TNKS2: variants seen among roughly 807,000 people sequenced by gnomAD.
TNKS2 encodes poly [ADP-ribose] polymerase tankyrase-2.
In TNKS2, 72 loss-of-function variants were observed where a neutral mutation model predicts 137.6. The observed-to-expected ratio is 0.52, with a 90% CI of 0.43 to 0.64. TNKS2 has a LOEUF of 0.64. Ranked by LOEUF, TNKS2 falls within the 30% of genes least tolerant of loss-of-function variation. TNKS2 has a pLI of 0.00. For synonymous variants in TNKS2, 516 were observed against 512.1 expected (o/e 1.01, Z -0.10); for missense variants, 1,049 against 1,410.2 (o/e 0.74, Z 4.10).
chr10:91,834,079 C>A, intron 12 of TNKS2, 55 bp downstream of exon 12: 1 of 1,425,604 alleles, frequency 7.0e-7, no homozygotes, highest in South Asian at 1.7e-5. Context: ...AAAAATTTTT[C>A]ACATATCAGG....
chr10:91,832,844 A>G (rs1384348745), intron 11 of TNKS2, among the ~76,000 whole-genome samples: 1 of 152,062 alleles, frequency 6.6e-6, no homozygotes, highest in Non-Finnish European at 1.5e-5. Context: ...ATAACCAAGT[A>G]GAAAGAATTT....
chr10:91,805,673 A>G (rs927638515), intron 1 of TNKS2, among the ~76,000 whole-genome samples: 8 of 152,226 alleles, frequency 5.3e-5, no homozygotes, highest in Non-Finnish European at 1.0e-4. Flanking sequence ...GTGAGTCACC[A>G]TTTTGATTAC....
At chr10:91,837,466 CTT>C (rs1842062103) in intron 13 of TNKS2, among the ~76,000 whole-genome samples, 1 of 152,232 alleles carries the variant, frequency 6.6e-6, no homozygotes, top group African/African-American at 2.4e-5. Context: ...TGCCACTTCT[CTT>C]TCCCAGGGCT....
intron 13 of TNKS2, among the ~76,000 whole-genome samples, chr10:91,838,457 G>A (rs1234724635): frequency 1.3e-5 from 2 of 152,190 alleles, no homozygotes; most frequent in Non-Finnish European, 2.9e-5. Context: ...GTGCTCAGTT[G>A]TGTTTGTTCA....
intron 1 of TNKS2, 51 bp downstream of exon 1, chr10:91,798,940 C>G: frequency 7.6e-7 from 1 of 1,317,112 alleles, no homozygotes; most frequent in Non-Finnish European, 9.8e-7. Context: ...ACCTGCGCAG[C>G]CGGGGCCCAC....
At position 91,848,518 on chromosome 10, in the gene TNKS2, C is replaced by G; in HGVS notation, c.2494C>G (p.Pro832Ala). 1 of 1,614,112 alleles carries G rather than the reference C, an allele frequency of 6.2e-7. No homozygotes were observed. The highest frequency in any genetic ancestry group is 8.5e-7 in the Non-Finnish European group (1 of 1,180,022). ...ADALSSGPSS[P>A]SSLSAASSLD... The stretch of plus-strand genomic sequence containing the variant: ...TGCTCTCTCTTCAGGTCCATCTAGC[C>G]CATCAAGCCTTTCTGCAGCCAGCAG... The change falls in exon 19 of 27, where the codon CCA becomes GCA. Residue 832 changes from proline (P) to alanine (A), a missense_variant. By Grantham distance (27) the Pro-to-Ala change is conservative. This residue lies in a region of TNKS2 where 208 missense variants were observed against 231.2 expected (regional missense o/e 0.90). Coordinates refer to ENST00000371627, the MANE Select transcript of TNKS2 (RefSeq NM_025235.4).
chr10:91,848,427 T>C lies in TNKS2; in HGVS notation c.2403T>C (p.Ser801=). Residue 801 remains serine, a synonymous_variant, in exon 19 of 27, where the codon TCT becomes TCC. Transcript: ENST00000371627. The stretch of plus-strand genomic sequence containing the variant: ...TTCTGACAGCAGCCATGCCCCCATC[T>C]GCTCTGCCCTCTTGTTACAAGCCTC... The part of the protein sequence containing the change: ...SALLTAAMPP[S]ALPSCYKPQV... The C allele has an allele frequency of 1.2e-6, 2 of 1,614,248 alleles. No individual in the cohort carries two copies. The highest frequency in any genetic ancestry group is 1.1e-5 in the South Asian group (1 of 91,088).
chr10:91,830,589 G>T (rs1845214996), intron 9 of TNKS2, among the ~76,000 whole-genome samples: 1 of 152,134 alleles, frequency 6.6e-6, no homozygotes, highest in Non-Finnish European at 1.5e-5. Context: ...TTAAAATATT[G>T]CATGAACACA....
At chr10:91,809,595 G>C (rs537549176) in intron 1 of TNKS2, among the ~76,000 whole-genome samples, 1 of 151,850 alleles carries the variant, frequency 6.6e-6, no homozygotes, top group African/African-American at 2.4e-5. Context: ...GAACCTGGGA[G>C]GCGGAGCTTG....
chr10:91,846,619 T>C (rs1373865813), intron 18 of TNKS2, among the ~76,000 whole-genome samples: 1 of 152,188 alleles, frequency 6.6e-6, no homozygotes, highest in Non-Finnish European at 1.5e-5. Context: ...GGAATTCTTT[T>C]TGAGATGAGA....
intron 5 of TNKS2, 97 bp downstream of exon 5, chr10:91,819,654 G>A (rs146531243): frequency 4.1e-6 from 4 of 985,890 alleles, no homozygotes; most frequent in Middle Eastern, 2.2e-4. Flanking sequence ...TTTGAAGAGA[G>A]TGCTGATGTT....
Position 91,845,085 on chromosome 10 carries a change from A to G in TNKS2, c.2169+57A>G, listed in dbSNP as rs576325030. ...GTGGAATTTTAAAGTGAAAGTCAGT[A>G]TTGCAGCTCAAATGGAATGTAGTTT... On this transcript the variant is annotated intron_variant, in intron 17 of 26. Transcript: ENST00000371627. 128 of 1,076,484 alleles carry G rather than the reference A, an allele frequency of 1.2e-4. 1 individual carries two copies. In the South Asian group the frequency reaches 1.6e-3, roughly 13 times the overall value. The allele number at this position is 1,076,484 out of a possible 1,614,324, so 66.7% of individuals were successfully genotyped here.
chr10:91,854,359 A>G (rs1439788288), intron 21 of TNKS2, among the ~76,000 whole-genome samples: 2 of 152,358 alleles, frequency 1.3e-5, no homozygotes, highest in South Asian at 2.1e-4. Flanking sequence ...ATAACTTGTC[A>G]GGTCAAAAAG....
At chr10:91,812,792 G>A in intron 1 of TNKS2, 191 bp from the exon 2 acceptor site, 1 of 985,294 alleles carries the variant, frequency 1.0e-6, no homozygotes, top group Non-Finnish European at 1.2e-6. Context: ...CTGCTTAGTG[G>A]AGAGTCCCTC....
At position 91,798,567 on chromosome 10, in the gene TNKS2, A is replaced by G; in HGVS notation, c.-124A>G. On this transcript the variant is annotated 5_prime_UTR_variant, in exon 1 of 27. Transcript: ENST00000371627. ...GGACTGCGCCGGATCCGGTGACAGC[A>G]GGGAGCCAAGCGGCCCGGGCCCTGA... is the stretch of plus-strand genomic sequence containing the variant. 5 of 1,100,526 alleles carry G rather than the reference A, an allele frequency of 4.5e-6. No homozygotes were observed. The highest frequency in any genetic ancestry group is 5.7e-6 in the Non-Finnish European group (5 of 879,310). 68.2% of individuals were successfully genotyped at this position (1,100,526 alleles called of 1,614,324 possible).
intron 1 of TNKS2, chr10:91,807,501 C>T: frequency 6.7e-7 from 1 of 1,493,232 alleles, no homozygotes; most frequent in African/African-American, 1.4e-5. Context: ...AACAAACTAC[C>T]TACGTCCGGG....
chr10:91,831,223 ATTTT>A lies in TNKS2; in HGVS notation c.1275+45_1275+48del, dbSNP rs775086055. ...GTAATCTTTGGTAATCCAATGAGTT[ATTTT>A]TTATTTAGCAGGTGAAATGCCTGAC... On this transcript the variant is annotated intron_variant, in intron 11 of 26. Coordinates refer to ENST00000371627, the MANE Select transcript of TNKS2 (RefSeq NM_025235.4). The A allele has an allele frequency of 1.9e-6, 3 of 1,555,764 alleles. No individual in the cohort carries two copies. The South Asian group carries it at 3.4e-5, about 17-fold the overall frequency.
rs751618452 is a variant in TNKS2 at position 91,834,050 on chromosome 10, T to A, written c.1447+26T>A. On this transcript the variant is annotated intron_variant, in intron 12 of 26. Coordinates refer to ENST00000371627, the MANE Select transcript of TNKS2 (RefSeq NM_025235.4). The stretch of plus-strand genomic sequence containing the variant: ...GTATTACATGCTTCAATGAAATTGA[T>A]TTTTTTAAATTAACCTTTAAAAATT... 6 of 1,493,876 alleles carry A rather than the reference T, an allele frequency of 4.0e-6. No homozygotes were observed. The Admixed American group carries it at 1.4e-4, about 35-fold the overall frequency. 92.5% of individuals were successfully genotyped at this position (1,493,876 alleles called of 1,614,324 possible).
At position 91,849,562 on chromosome 10, in the gene TNKS2, G is replaced by C; in HGVS notation, c.2662G>C (p.Glu888Gln). 1 of 1,612,232 alleles carries C rather than the reference G, an allele frequency of 6.2e-7. No homozygotes were observed. The highest frequency in any genetic ancestry group is 1.3e-5 in the African/African-American group (1 of 74,936). ...ITQFVRNLGLEHLMDIFEREQ... is the reference protein window; with the variant it reads ...ITQFVRNLGLQHLMDIFEREQ... ...TCAATTCGTAAGGAATCTTGGACTTGAGCACCTAATGGATATATTTGAGAG... is the reference window on the plus strand; with the variant it reads ...TCAATTCGTAAGGAATCTTGGACTTCAGCACCTAATGGATATATTTGAGAG... Residue 888 changes from glutamate to glutamine, a missense_variant, in exon 20 of 27, where the codon GAG becomes CAG. Physicochemically the swap from Glu to Gln is conservative, Grantham distance 29. Coordinates refer to ENST00000371627, the MANE Select transcript of TNKS2 (RefSeq NM_025235.4).
Sources: allele counts gnomAD v4.1 joint callset (sites outside exome capture counted in the v4.1 genomes callset), GRCh38; gene constraint gnomAD v4.1.1; regional missense constraint gnomAD v4.1.1; transcripts MANE v1.5; gene names NCBI Gene and HGNC (gene_info 2026-07-23, HGNC 2026-07-21).